Variants in NUP210L observed in about 807,000 individuals in gnomAD.
The protein encoded by NUP210L is nucleoporin 210 like.
In NUP210L, 74 loss-of-function variants were observed where a neutral mutation model predicts 208.5. The ratio of observed to expected loss-of-function variants is 0.35; its 90% CI spans 0.29 to 0.43. The LOEUF is 0.43. Among genes scored for constraint, NUP210L ranks in the 20% least tolerant of loss-of-function variants. The pLI, the probability that NUP210L is intolerant of heterozygous loss-of-function variation, is 1.00. For synonymous variants in NUP210L, 780 were observed against 816.9 expected, an observed-to-expected ratio of 0.95 and a Z score of 0.77; for missense variants, 1,843 against 2,289.4, an observed-to-expected ratio of 0.81 and a Z score of 3.98.
chr1:154,061,126 C>T, intron 18 of NUP210L, 80 bp from the exon 19 acceptor site: 1 of 969,418 alleles, frequency 1.0e-6, no homozygotes, highest in South Asian at 1.4e-5. Context: ...GCTTGTAATC[C>T]CAGCACTTTG....
At chr1:154,090,715 G>A (rs1434350002) in intron 15 of NUP210L, among the ~76,000 whole-genome samples, 5 of 152,140 alleles carry the variant, frequency 3.3e-5, no homozygotes, top group African/African-American at 1.2e-4. Flanking sequence ...GGAGACTGAG[G>A]CAAGAGAATC....
chr1:154,114,169 G>T (rs879481502), intron 12 of NUP210L, among the ~76,000 whole-genome samples: 1 of 151,612 alleles, frequency 6.6e-6, no homozygotes, highest in African/African-American at 2.4e-5. Flanking sequence ...TTTGCCAGGC[G>T]TAGTGGTACA....
intron 25 of NUP210L, among the ~76,000 whole-genome samples, chr1:154,049,504 T>C (rs758148692): frequency 2.6e-5 from 4 of 152,164 alleles, no homozygotes; most frequent in African/African-American, 4.8e-5. Flanking sequence ...AATCTATAGC[T>C]TTAAAATGGT....
At chr1:154,112,858 G>GA (rs35923188) in intron 12 of NUP210L, among the ~76,000 whole-genome samples, 33,979 of 127,012 alleles carry the variant, frequency 0.27, 4,493 homozygotes, top group Admixed American at 0.34. Context: ...CCTGTCTGGG[G>GA]AAAAAAAAAA....
intron 17 of NUP210L, among the ~76,000 whole-genome samples, chr1:154,066,027 C>T (rs576374028): frequency 2.6e-5 from 4 of 151,996 alleles, no homozygotes; most frequent in South Asian, 2.1e-4. Context: ...GAATGACTAC[C>T]GGGTAAACAA....
chr1:154,033,597 T>A (rs1480881726), intron 27 of NUP210L, among the ~76,000 whole-genome samples: 1 of 152,208 alleles, frequency 6.6e-6, no homozygotes, highest in East Asian at 1.9e-4. Flanking sequence ...TTCTGTTCCA[T>A]TGGTCTATAT....
At chr1:154,001,166 T>C in intron 36 of NUP210L, 106 bp from the exon 37 acceptor site, 1 of 917,688 alleles carries the variant, frequency 1.1e-6, no homozygotes, top group Non-Finnish European at 1.6e-6. Flanking sequence ...AAGATCTGGA[T>C]TTCTAGCTAG....
At chr1:154,094,244 C>G (rs544544380) in intron 15 of NUP210L, among the ~76,000 whole-genome samples, 108 of 152,180 alleles carry the variant, frequency 7.1e-4, no homozygotes, top group African/African-American at 2.0e-3. Flanking sequence ...GATTGCACCA[C>G]TGCACTCTAG....
chr1:154,000,904 G>T, exon 37 of NUP210L: 1 of 1,614,052 alleles, frequency 6.2e-7, no homozygotes, highest in Non-Finnish European at 8.5e-7. Context: ...GCCTCACTTT[G>T]ACTGGTGAGT....
chr1:154,124,307 AGG>A (rs1657774189), intron 10 of NUP210L, among the ~76,000 whole-genome samples: 2 of 151,650 alleles, frequency 1.3e-5, no homozygotes, highest in African/African-American at 4.8e-5. Context: ...ACAGAAGCTG[AGG>A]GAGAAGGCAG....
At chr1:154,029,773 T>G (rs1455699501) in intron 28 of NUP210L, 123 bp downstream of exon 28, 2 of 722,442 alleles carry the variant, frequency 2.8e-6, no homozygotes, top group Non-Finnish European at 4.5e-6. Context: ...AGTACAAACC[T>G]GTTCCAGGAA....
intron 13 of NUP210L, 29 bp downstream of exon 13, chr1:154,103,983 G>T: frequency 6.6e-7 from 1 of 1,522,594 alleles, no homozygotes; most frequent in Non-Finnish European, 9.0e-7. Flanking sequence ...AAAGACAAAG[G>T]AAGGAGAAGA....
chr1:154,091,658 G>A (rs557611873), intron 15 of NUP210L, among the ~76,000 whole-genome samples: 2 of 151,176 alleles, frequency 1.3e-5, no homozygotes, highest in Admixed American at 1.3e-4. Flanking sequence ...CCACCACCAC[G>A]TCCGGCTAAT....
intron 15 of NUP210L, among the ~76,000 whole-genome samples, chr1:154,093,560 G>C (rs1044203457): frequency 6.6e-6 from 1 of 152,206 alleles, no homozygotes; most frequent in South Asian, 2.1e-4. Context: ...AACCTATGTA[G>C]TGAGCTACGA....
intron 27 of NUP210L, among the ~76,000 whole-genome samples, chr1:154,032,497 CT>C (rs1043466825): frequency 2.8e-3 from 410 of 144,954 alleles, no homozygotes; most frequent in Middle Eastern, 7.1e-3. Flanking sequence ...ATTTGTATGA[CT>C]TTTTTTTTTT....
intron 12 of NUP210L, among the ~76,000 whole-genome samples, chr1:154,107,097 T>A (rs1042425809): frequency 3.1e-4 from 47 of 152,150 alleles, no homozygotes; most frequent in Admixed American, 4.6e-4. Flanking sequence ...CTGTTTTGCA[T>A]AAGTTCAATG....
At chr1:154,106,680 GT>G (rs1448852576) in intron 12 of NUP210L, among the ~76,000 whole-genome samples, 1 of 152,220 alleles carries the variant, frequency 6.6e-6, no homozygotes, top group Non-Finnish European at 1.5e-5. Flanking sequence ...GACTCTGTTT[GT>G]TTGGGCAAAA....
At chr1:154,036,366 C>CTT (rs34750631) in intron 27 of NUP210L, among the ~76,000 whole-genome samples, 28 of 65,434 alleles carry the variant, frequency 4.3e-4, no homozygotes, top group Admixed American at 6.5e-4. Context: ...GTGTGTATAA[C>CTT]TTTTTTTTTT....
At chr1:154,060,193 C>G (rs187884722) in intron 20 of NUP210L, among the ~76,000 whole-genome samples, 2 of 152,016 alleles carry the variant, frequency 1.3e-5, no homozygotes, top group Non-Finnish European at 2.9e-5. Flanking sequence ...GAGCCGAGAT[C>G]GCACCACTGC....
Sources: allele counts gnomAD v4.1 joint callset (sites outside exome capture counted in the v4.1 genomes callset), GRCh38; gene constraint gnomAD v4.1.1; transcripts MANE v1.5; gene names NCBI Gene and HGNC (gene_info 2026-07-23, HGNC 2026-07-21).